The following FOXJ3 variants were observed in gnomAD, a reference collection of about 807,000 sequenced individuals.
FOXJ3 encodes the protein forkhead box J3, also known as forkhead box protein J3.
In FOXJ3, 22 loss-of-function variants were observed where a neutral mutation model predicts 76.1. The ratio of observed to expected loss-of-function variants is 0.29; its 90% CI spans 0.21 to 0.41. The LOEUF (loss-of-function observed/expected upper bound fraction) is 0.41. FOXJ3 is among the 10% of genes least tolerant of loss of function. The pLI is 1.00. For synonymous variants in FOXJ3, 269 were observed against 261.2 expected (o/e 1.03, Z -0.29); for missense variants, 613 against 762.1 (o/e 0.80, Z 2.30).
intron 3 of FOXJ3, among the ~76,000 whole-genome samples, chr1:42,276,398 T>G: frequency 6.6e-6 from 1 of 151,442 alleles, no homozygotes; most frequent in Non-Finnish European, 1.5e-5. Flanking sequence ...GGGGAGAGAG[T>G]AATAATTGCT....
At chr1:42,281,851 G>C (rs372813551) in intron 2 of FOXJ3, among the ~76,000 whole-genome samples, 1 of 152,174 alleles carries the variant, frequency 6.6e-6, no homozygotes, top group Non-Finnish European at 1.5e-5. Context: ...CTGAGGTCTG[G>C]AGTTTGAGAC....
chr1:42,212,965 A>C (rs1026239257), intron 5 of FOXJ3, among the ~76,000 whole-genome samples: 4 of 149,284 alleles, frequency 2.7e-5, no homozygotes, highest in Non-Finnish European at 5.9e-5. Flanking sequence ...AGCAAAAAAA[A>C]AAAAAACAAA....
intron 2 of FOXJ3, chr1:42,280,384 A>C: frequency 2.1e-6 from 2 of 968,278 alleles, no homozygotes; most frequent in Non-Finnish European, 2.4e-6. Flanking sequence ...TCTATTGTAC[A>C]CATTCCTCTG....
At chr1:42,248,598 T>C (rs1649740963) in intron 4 of FOXJ3, among the ~76,000 whole-genome samples, 1 of 151,984 alleles carries the variant, frequency 6.6e-6, no homozygotes, top group Non-Finnish European at 1.5e-5. Flanking sequence ...AAAAACATTT[T>C]TTTGATCTAA....
chr1:42,239,735 A>G (rs547767020), intron 4 of FOXJ3, among the ~76,000 whole-genome samples: 1 of 152,300 alleles, frequency 6.6e-6, no homozygotes, highest in East Asian at 1.9e-4. Flanking sequence ...TTGATGGCCT[A>G]TAATTTTGTT....
At chr1:42,225,929 A>C (rs1647521217) in intron 5 of FOXJ3, among the ~76,000 whole-genome samples, 1 of 152,234 alleles carries the variant, frequency 6.6e-6, no homozygotes, top group Non-Finnish European at 1.5e-5. Context: ...GGCAAGCTTA[A>C]TATCCAAAAG....
chr1:42,304,858 C>A (rs1346652688), intron 2 of FOXJ3, among the ~76,000 whole-genome samples: 1 of 152,110 alleles, frequency 6.6e-6, no homozygotes, highest in Non-Finnish European at 1.5e-5. Flanking sequence ...TTACACCCCA[C>A]AAGCACAGGC....
intron 4 of FOXJ3, among the ~76,000 whole-genome samples, chr1:42,246,707 A>G (rs539782373): frequency 1.3e-5 from 2 of 152,248 alleles, no homozygotes; most frequent in African/African-American, 4.8e-5. Flanking sequence ...CCCAAAGGAA[A>G]AGAAATCATT....
chr1:42,230,112 C>T (rs1462477684), intron 4 of FOXJ3, among the ~76,000 whole-genome samples: 1 of 152,174 alleles, frequency 6.6e-6, no homozygotes, highest in South Asian at 2.1e-4. Flanking sequence ...TACCTATCCA[C>T]TAGGTATTCA....
intron 11 of FOXJ3, among the ~76,000 whole-genome samples, chr1:42,186,021 A>G (rs1646428407): frequency 6.6e-6 from 1 of 152,154 alleles, no homozygotes; most frequent in African/African-American, 2.4e-5. Context: ...CCTGGATTAC[A>G]ATGTCCTTAT....
chr1:42,287,351 A>G (rs1653127650), intron 2 of FOXJ3, among the ~76,000 whole-genome samples: 1 of 152,082 alleles, frequency 6.6e-6, no homozygotes, highest in African/African-American at 2.4e-5. Flanking sequence ...AAAAAAAATA[A>G]AAGTTTTAAC....
intron 4 of FOXJ3, among the ~76,000 whole-genome samples, chr1:42,237,394 A>C (rs1169177031): frequency 3.3e-5 from 2 of 59,984 alleles, no homozygotes; most frequent in Non-Finnish European, 7.0e-5. Flanking sequence ...ATATATATAC[A>C]TACATACATA....
At chr1:42,267,814 T>C (rs1402153331) in intron 3 of FOXJ3, among the ~76,000 whole-genome samples, 1 of 151,950 alleles carries the variant, frequency 6.6e-6, no homozygotes, top group East Asian at 1.9e-4. Context: ...TAAAAAACAT[T>C]AAACATGATT....
At chr1:42,232,121 C>T (rs1378533186) in intron 4 of FOXJ3, among the ~76,000 whole-genome samples, 1 of 152,192 alleles carries the variant, frequency 6.6e-6, no homozygotes, top group African/African-American at 2.4e-5. Context: ...CTAAAAAGGA[C>T]ATGAACTCAT....
rs114205783 is a variant in FOXJ3, at chr1:42,197,608, A to G, written c.759+1494T>C. Among the ~76,000 whole-genome samples the G allele has an allele frequency of 4.3e-3, 649 of 152,136 alleles. 7 individuals carry two copies. Among genetic ancestry groups the G allele is most frequent in the African/African-American group, 0.015 (629 of 41,496 alleles). On this transcript the variant is annotated intron_variant, in intron 7 of 12. Transcript: ENST00000361346. Reference sequence around the variant, plus strand: ...TAACCTATCCTCCCATACACTTTAAATCACCTCTAGATGATTAATACCTAA... The same window carrying G: ...TAACCTATCCTCCCATACACTTTAAGTCACCTCTAGATGATTAATACCTAA...
chr1:42,289,972 T>C (rs929693289), intron 2 of FOXJ3, among the ~76,000 whole-genome samples: 1 of 152,052 alleles, frequency 6.6e-6, no homozygotes, highest in Non-Finnish European at 1.5e-5. Flanking sequence ...GTAAAGAAAA[T>C]ACATTCAACT....
At chr1:42,180,644 C>T (rs368022369) in intron 12 of FOXJ3, among the ~76,000 whole-genome samples, 14 of 152,004 alleles carry the variant, frequency 9.2e-5, no homozygotes, top group African/African-American at 3.1e-4. Flanking sequence ...CTCATATGCC[C>T]TGAAATATTT....
intron 2 of FOXJ3, among the ~76,000 whole-genome samples, chr1:42,287,183 T>A (rs1029488690): frequency 6.6e-6 from 1 of 151,304 alleles, no homozygotes; most frequent in Non-Finnish European, 1.5e-5. Context: ...TACTAAAAAA[T>A]ACAAAAATTA....
chr1:42,236,836 A>G (rs1444942722), intron 4 of FOXJ3, among the ~76,000 whole-genome samples: 1 of 152,174 alleles, frequency 6.6e-6, no homozygotes, highest in East Asian at 1.9e-4. Context: ...AAGCCTTTTC[A>G]ATTATACCCT....
Sources: allele counts gnomAD v4.1 joint callset (sites outside exome capture counted in the v4.1 genomes callset), GRCh38; gene constraint gnomAD v4.1.1; transcripts MANE v1.5; gene names NCBI Gene and HGNC (gene_info 2026-07-23, HGNC 2026-07-21).